The following CEMIP variants were observed in gnomAD, a reference collection of about 807,000 sequenced individuals.
CEMIP encodes the protein cell migration-inducing and hyaluronan-binding protein.
Under a neutral mutation model 156.9 loss-of-function variants are expected in CEMIP, and 105 were observed. The observed-to-expected ratio is 0.67, with a 90% CI of 0.57 to 0.79. CEMIP has a LOEUF of 0.79. CEMIP is among the 30% of genes least tolerant of loss of function. The probability of loss-of-function intolerance (pLI) is 0.00; values close to 1 mark genes in which losing one functional copy is unlikely to be tolerated. For missense variants in CEMIP, 1,457 were observed against 1,769.4 expected (o/e 0.82, Z 3.17); for synonymous variants, 676 against 668.4 (o/e 1.01, Z -0.17).
Position 80,950,569 on chromosome 15 carries a change from T to A in CEMIP, c.*1645T>A, listed in dbSNP as rs1901774802. 1 of 152,328 alleles carries A rather than the reference T, an allele frequency of 6.6e-6. No homozygotes were observed. The highest frequency in any genetic ancestry group is 6.5e-5 in the Admixed American group (1 of 15,292). The allele number at this position is 152,328 out of a possible 1,614,324, so 9.4% of individuals were successfully genotyped here. The stretch of plus-strand genomic sequence containing the variant: ...AGTAGCTGCAACTCCCCATTGGTGC[T>A]ACCTGGCTCTCCTGTCTCTGCAGCT... On this transcript the variant is annotated 3_prime_UTR_variant, in exon 30 of 30. Transcript: ENST00000394685.
chr15:80,899,212 C>CAA (rs761899088), intron 12 of CEMIP, among the ~76,000 whole-genome samples: 7 of 129,718 alleles, frequency 5.4e-5, no homozygotes, highest in African/African-American at 1.6e-4. Context: ...TACTCTGTCT[C>CAA]AAAAAAAAAA....
chr15:80,948,541 C>T (rs1901666267), intron 29 of CEMIP: 1 of 534,264 alleles, frequency 1.9e-6, no homozygotes, highest in South Asian at 1.9e-5. Context: ...CTGTGCATGG[C>T]TCCCCTGTCT....
At chr15:80,866,711 G>A (rs551840389) in intron 1 of CEMIP, among the ~76,000 whole-genome samples, 15 of 151,704 alleles carry the variant, frequency 9.9e-5, no homozygotes, top group South Asian at 8.4e-4. Context: ...GCATGAACCC[G>A]GGAGGCAGAG....
chr15:80,857,139 G>A (rs937442713), intron 1 of CEMIP, among the ~76,000 whole-genome samples: 1 of 152,218 alleles, frequency 6.6e-6, no homozygotes, highest in African/African-American at 2.4e-5. Flanking sequence ...GCAGAGGGAG[G>A]AGTAGAGAAA....
intron 12 of CEMIP, among the ~76,000 whole-genome samples, chr15:80,899,431 T>C (rs1899373511): frequency 6.6e-6 from 1 of 152,112 alleles, no homozygotes; most frequent in East Asian, 1.9e-4. Context: ...AAGTGGAATA[T>C]GGGAGGTGCT....
At chr15:80,810,806 ATC>A in intron 1 of CEMIP, among the ~76,000 whole-genome samples, 1 of 1,992 alleles carries the variant, frequency 5.0e-4, no homozygotes, top group Non-Finnish European at 7.5e-3. Context: ...CCATTCAACC[ATC>A]CATCCATCCA....
Position 80,848,928 on chromosome 15 carries a change from C to CACACACACACACA in CEMIP, c.-175-24610_-175-24609insACACACACACACA, listed in dbSNP as rs1284211292. On this transcript the variant is annotated intron_variant, in intron 1 of 29. Coordinates refer to ENST00000394685, the MANE Select transcript of CEMIP (RefSeq NM_001293298.2). ...CACACACACACACACACACACACAC[C>CACACACACACACA]CTGGCTTCAGGGATCTCTTTAGAAA... 2.4e-4 allele frequency among the ~76,000 whole-genome samples: 4 copies of CACACACACACACA among 17,000 alleles called. No homozygotes were observed. In the South Asian group the frequency reaches 5.0e-3, roughly 21 times the overall value. 11.2% of individuals were successfully genotyped at this position (17,000 alleles called of 152,430 possible).
At chr15:80,896,730 CAATT>C in intron 12 of CEMIP, among the ~76,000 whole-genome samples, 1 of 152,136 alleles carries the variant, frequency 6.6e-6, no homozygotes, top group Non-Finnish European at 1.5e-5. Flanking sequence ...AGTTATGTAT[CAATT>C]AGAGTTCTTT....
In CEMIP at chr15:80,839,289, A is replaced by AGTGTGTGTGTGTGTGTGTGT. The variant is rs34172431; in HGVS notation, c.-175-34226_-175-34207dup. On this transcript the variant is annotated intron_variant, in intron 1 of 29. Transcript: ENST00000394685. ...TGAAGGCTGTGGAGTCAAGGCCGTG[A>AGTGTGTGTGTGTGTGTGTGT]GTGTGTGTGTGTGTGTGTGTGTGTG... 5.1e-3 allele frequency among the ~76,000 whole-genome samples: 673 copies of AGTGTGTGTGTGTGTGTGTGT among 131,158 alleles called. 15 individuals are homozygous for AGTGTGTGTGTGTGTGTGTGT. Among genetic ancestry groups the AGTGTGTGTGTGTGTGTGTGT allele is most frequent in the African/African-American group, 0.018 (596 of 32,640 alleles). The allele number at this position is 131,158 out of a possible 152,430, so 86.0% of individuals were successfully genotyped here.
intron 1 of CEMIP, among the ~76,000 whole-genome samples, chr15:80,865,275 G>A (rs948168186): frequency 2.0e-5 from 3 of 152,018 alleles, no homozygotes; most frequent in Admixed American, 6.5e-5. Context: ...TTTGCCTCCC[G>A]GGTTCAAGCG....
chr15:80,912,678 C>T (rs992342448), intron 14 of CEMIP, among the ~76,000 whole-genome samples: 9 of 152,212 alleles, frequency 5.9e-5, no homozygotes, highest in Non-Finnish European at 1.0e-4. Flanking sequence ...AGCCATCCCC[C>T]GCATGGGAAT....
In CEMIP at chr15:80,931,974, C is replaced by T. The variant is rs1484807778; in HGVS notation, c.2728C>T (p.Leu910=). ...GRHTSALAFR[L]NNAWQSCPHN... is the part of the protein sequence containing the mutation. ...GCACACCAGCGCCCTGGCCTTCCGCCTGAATAATGCCTGGCAGAGCTGCCC... is the reference window on the plus strand; with the variant it reads ...GCACACCAGCGCCCTGGCCTTCCGCTTGAATAATGCCTGGCAGAGCTGCCC... The change falls in exon 22 of 30, where the codon CTG becomes TTG. Residue 910 remains leucine (L), a synonymous_variant. Transcript: ENST00000394685. 1 of 1,614,198 alleles carries T rather than the reference C, an allele frequency of 6.2e-7. No individual in the cohort carries two copies. Among genetic ancestry groups the T allele is most frequent in the East Asian group, 2.2e-5 (1 of 44,880 alleles).
intron 18 of CEMIP, among the ~76,000 whole-genome samples, chr15:80,925,346 G>T (rs555016236): frequency 6.6e-6 from 1 of 152,334 alleles, no homozygotes; most frequent in African/African-American, 2.4e-5. Flanking sequence ...GACTTTGTGG[G>T]AATGGCTGTC....
rs375525967 is a variant in CEMIP at position 80,810,650 on chromosome 15, C to T, written c.-176+31036C>T. 7.2e-5 allele frequency among the ~76,000 whole-genome samples: 11 copies of T among 152,326 alleles called. 1 individual carries two copies. Among genetic ancestry groups the T allele is most frequent in the East Asian group, 1.9e-4 (1 of 5,188 alleles). ...GATTACAGGCGTGAGCCACCATGCCCGGCCTACCTGTGTTCTTTAAACTTG... is the reference window on the plus strand; with the variant it reads ...GATTACAGGCGTGAGCCACCATGCCTGGCCTACCTGTGTTCTTTAAACTTG... On this transcript the variant is annotated intron_variant, in intron 1 of 29. Transcript: ENST00000394685.
chr15:80,883,624 CAATA>C (rs1898737257), intron 6 of CEMIP, among the ~76,000 whole-genome samples: 1 of 152,102 alleles, frequency 6.6e-6, no homozygotes, highest in Admixed American at 6.5e-5. Flanking sequence ...ATTAACAGGT[CAATA>C]AATAAACTTT....
intron 22 of CEMIP, among the ~76,000 whole-genome samples, 163 bp from the exon 23 acceptor site, chr15:80,933,082 C>T (rs530364073): frequency 6.6e-6 from 1 of 152,306 alleles, no homozygotes; most frequent in East Asian, 1.9e-4. Flanking sequence ...ACTCCGGTTG[C>T]ATCGGAGGGG....
At chr15:80,877,554 T>C (rs904975137) in intron 3 of CEMIP, among the ~76,000 whole-genome samples, 1 of 152,236 alleles carries the variant, frequency 6.6e-6, no homozygotes, top group African/African-American at 2.4e-5. Context: ...CAGTTCATTC[T>C]CATCTTGTTT....
At chr15:80,850,574 C>T (rs2141734743) in intron 1 of CEMIP, among the ~76,000 whole-genome samples, 1 of 152,288 alleles carries the variant, frequency 6.6e-6, no homozygotes, top group Admixed American at 6.5e-5. Flanking sequence ...TCACGCCCAG[C>T]CATCATCTTC....
chr15:80,936,288 G>A (rs1217025865), intron 23 of CEMIP, among the ~76,000 whole-genome samples: 1 of 152,200 alleles, frequency 6.6e-6, no homozygotes, highest in Non-Finnish European at 1.5e-5. Flanking sequence ...TAGGCGAGTT[G>A]CATTTTATGG....
Sources: gnomAD v4.1 joint callset for allele counts (sites outside exome capture counted in the v4.1 genomes callset) on GRCh38, gnomAD v4.1.1 for gene constraint, MANE v1.5 for transcripts, NCBI Gene and HGNC (gene_info 2026-07-23, HGNC 2026-07-21) for gene names.